Variants in UGT1A5 observed in about 807,000 individuals in gnomAD.
The protein encoded by UGT1A5 is UDP-glucuronosyltransferase 1A5.
In UGT1A5, 29 loss-of-function variants were observed where a neutral mutation model predicts 40.3. The ratio of observed to expected loss-of-function variants is 0.72; its 90% CI spans 0.54 to 0.98. The LOEUF is 0.98. UGT1A5 is among the 50% of genes least tolerant of loss of function. The probability of loss-of-function intolerance (pLI) is 0.00; values close to 1 mark genes in which losing one functional copy is unlikely to be tolerated. For missense variants in UGT1A5, 678 were observed against 677.9 expected, an observed-to-expected ratio of 1.00 and a Z score of 0.00; for synonymous variants, 257 against 262.5, an observed-to-expected ratio of 0.98 and a Z score of 0.20.
chr2:233,725,481 C>T (rs1370890816), intron 1 of UGT1A5, among the ~76,000 whole-genome samples: 11 of 151,704 alleles, frequency 7.3e-5, no homozygotes, highest in Non-Finnish European at 1.5e-4. Context: ...TGTTAGAAAC[C>T]AGCAAAAAGA....
chr2:233,752,178 G>A (rs941619397), intron 1 of UGT1A5, among the ~76,000 whole-genome samples: 2 of 152,178 alleles, frequency 1.3e-5, no homozygotes, highest in African/African-American at 4.8e-5. Flanking sequence ...GATGTAAGCT[G>A]AATTAAAATC....
rs1457115854 is a variant in UGT1A5, at chr2:233,724,955, G to A, written c.867+11097G>A. The stretch of plus-strand genomic sequence containing the variant: ...ACTCCGTCTGCAATCCCGGCACCTC[G>A]GGAGGCCGAGGTTGGCGGATCACTC... On this transcript the variant is annotated intron_variant, in intron 1 of 4. Coordinates refer to ENST00000373414, the MANE Select transcript of UGT1A5 (RefSeq NM_019078.2). Among the ~76,000 whole-genome samples the A allele has an allele frequency of 3.5e-5, 5 of 143,484 alleles. 1 individual carries two copies. The highest frequency in any genetic ancestry group is 2.1e-4 in the East Asian group (1 of 4,762). The allele number at this position is 143,484 out of a possible 152,430, so 94.1% of individuals were successfully genotyped here.
chr2:233,724,658 G>C lies in UGT1A5; in HGVS notation c.867+10800G>C, dbSNP rs1029278749. 3.5e-5 allele frequency among the ~76,000 whole-genome samples: 5 copies of C among 142,980 alleles called. 1 individual carries two copies. Among genetic ancestry groups the C allele is most frequent in the African/African-American group, 1.3e-4 (5 of 37,636 alleles). 93.8% of individuals were successfully genotyped at this position (142,980 alleles called of 152,430 possible). On this transcript the variant is annotated intron_variant, in intron 1 of 4. Coordinates refer to ENST00000373414, the MANE Select transcript of UGT1A5 (RefSeq NM_019078.2). ...GATGTGATGGCGGCTGGGAAGAGGC[G>C]CTCCTCACTTCCTAGATGGGATGGC...
At chr2:233,739,943 C>A (rs1413730564) in intron 1 of UGT1A5, among the ~76,000 whole-genome samples, 1 of 151,878 alleles carries the variant, frequency 6.6e-6, no homozygotes, top group African/African-American at 2.4e-5. Context: ...AAGGTTGGTA[C>A]CTGGTGGGAG....
chr2:233,758,800 G>A (rs970637590), intron 1 of UGT1A5, among the ~76,000 whole-genome samples: 4 of 152,152 alleles, frequency 2.6e-5, no homozygotes, highest in African/African-American at 9.7e-5. Flanking sequence ...TCTTGGAATT[G>A]TATAGTACAG....
intron 4 of UGT1A5, 90 bp downstream of exon 4, chr2:233,768,529 G>A (rs1019700183): frequency 2.7e-6 from 4 of 1,508,186 alleles, no homozygotes; most frequent in Non-Finnish European, 3.5e-6. Flanking sequence ...GCATTTAATA[G>A]CGTTGTTTCA....
chr2:233,769,848 A>C lies in UGT1A5; in HGVS notation c.1307+1409A>C. ...CCAGCAACCTGGGCAACAGAGTGAG[A>C]CCCTGTCTCAAAAAAAAAAAAAAAA... is the stretch of plus-strand genomic sequence containing the variant. On this transcript the variant is annotated intron_variant, in intron 4 of 4. Transcript: ENST00000373414. The surrounding 1 kb of genome is among the most constrained non-coding windows in gnomAD (Gnocchi z 4.4). The C allele has an allele frequency of 1.9e-5, 9 of 472,234 alleles. No homozygotes were observed. Among genetic ancestry groups the C allele is most frequent in the South Asian group, 5.6e-5 (1 of 17,844 alleles). The allele number at this position is 472,234 out of a possible 1,614,324, so 29.3% of individuals were successfully genotyped here.
intron 1 of UGT1A5, chr2:233,729,155 C>G (rs754518469): frequency 1.9e-6 from 3 of 1,613,596 alleles, no homozygotes; most frequent in South Asian, 1.1e-5. Context: ...GTTCCCCTGC[C>G]GTGGCTGGCC....
chr2:233,719,299 T>C, intron 1 of UGT1A5: 1 of 1,613,974 alleles, frequency 6.2e-7, no homozygotes, highest in East Asian at 2.2e-5. Flanking sequence ...TGTGGGGCGG[T>C]GCTGGCTAAG....
rs149750520 is a variant in UGT1A5, at chr2:233,767,884, T to C, written c.1035T>C (p.Asn345=). ...GGTACACTGGAACCCGACCATCGAA[T>C]CTTGCGAACAACACGATACTTGTTA... The part of the protein sequence containing the change: ...LWRYTGTRPS[N]LANNTILVKW... The change falls in exon 3 of 5, where the codon AAT becomes AAC. Residue 345 remains asparagine (N), a synonymous_variant. Coordinates refer to ENST00000373414, the MANE Select transcript of UGT1A5 (RefSeq NM_019078.2). The C allele has an allele frequency of 6.2e-7, 1 of 1,614,080 alleles. No homozygotes were observed. Among genetic ancestry groups the C allele is most frequent in the East Asian group, 2.2e-5 (1 of 44,900 alleles).
intron 1 of UGT1A5, among the ~76,000 whole-genome samples, chr2:233,759,283 A>C (rs562983605): frequency 1.3e-5 from 2 of 152,282 alleles, no homozygotes; most frequent in East Asian, 3.9e-4. Flanking sequence ...TGATTGGTTG[A>C]TGAAGCTGAG....
rs1699345789 is a variant in UGT1A5 at position 233,767,247 on chromosome 2, C to T, written c.999+82C>T. 3.2e-5 allele frequency: 52 copies of T among 1,603,298 alleles called. No individual in the cohort carries two copies. In the South Asian group the frequency reaches 5.5e-4, roughly 17 times the overall value. ...GACTTCCAGCTTCCAGATTAATTCTCTTAATTGGAACCTTAGATTTGGCTT... is the reference window on the plus strand; with the variant it reads ...GACTTCCAGCTTCCAGATTAATTCTTTTAATTGGAACCTTAGATTTGGCTT... On this transcript the variant is annotated intron_variant, in intron 2 of 4. Coordinates refer to ENST00000373414, the MANE Select transcript of UGT1A5 (RefSeq NM_019078.2).
rs762309245 is a variant in UGT1A5 at position 233,767,917 on chromosome 2, A to G, written c.1068A>G (p.Leu356=). The stretch of plus-strand genomic sequence containing the variant: ...ACAACACGATACTTGTTAAGTGGCT[A>G]CCCCAAAACGATCTGCTTGGTATGT... ...LANNTILVKW[L]PQNDLLGHPM... The change falls in exon 3 of 5, where the codon CTA becomes CTG. Residue 356 remains leucine, a synonymous_variant. Coordinates refer to ENST00000373414, the MANE Select transcript of UGT1A5 (RefSeq NM_019078.2). 2 of 1,614,072 alleles carry G rather than the reference A, an allele frequency of 1.2e-6. No homozygotes were observed. The highest frequency in any genetic ancestry group is 2.2e-5 in the East Asian group (1 of 44,896).
intron 1 of UGT1A5, among the ~76,000 whole-genome samples, chr2:233,718,481 T>C (rs1310649637): frequency 1.3e-5 from 2 of 152,114 alleles, no homozygotes; most frequent in Non-Finnish European, 2.9e-5. Context: ...CTGATAAATA[T>C]GGTTAACAGA....
rs969396704 is a variant in UGT1A5 at position 233,741,897 on chromosome 2, C to A, written c.868-25137C>A. On this transcript the variant is annotated intron_variant, in intron 1 of 4. Coordinates refer to ENST00000373414, the MANE Select transcript of UGT1A5 (RefSeq NM_019078.2). ...AGAGGTGACCCTAGAAGAAGGGACC[C>A]TTTGTGATGGAAAAGGTCTTCATTT... 18 of 151,852 alleles carry A rather than the reference C, an allele frequency of 1.2e-4. 1 individual carries two copies. Among genetic ancestry groups the A allele is most frequent in the African/African-American group, 4.1e-4 (17 of 41,132 alleles). The allele number at this position is 151,852 out of a possible 1,614,324, so 9.4% of individuals were successfully genotyped here. A position where few individuals can be genotyped will look rare whatever the true frequency, so the allele number is the denominator to read the frequency against.
rs531889004 is a variant in UGT1A5 at position 233,731,047 on chromosome 2, T to C, written c.867+17189T>C. Among the ~76,000 whole-genome samples, 5 of 152,366 alleles carry C rather than the reference T, an allele frequency of 3.3e-5. No homozygotes were observed. In the East Asian group the frequency reaches 5.8e-4, roughly 18 times the overall value. On this transcript the variant is annotated intron_variant, in intron 1 of 4. Transcript: ENST00000373414. ...GCCTTTTTATGTCATATTCACCGAA[T>C]GTGTATGAACTTCCATGATTTAGAT...
chr2:233,766,578 G>C (rs1048038001), intron 1 of UGT1A5, among the ~76,000 whole-genome samples: 1 of 152,134 alleles, frequency 6.6e-6, no homozygotes, highest in Non-Finnish European at 1.5e-5. Flanking sequence ...ACAGGTCTGG[G>C]GGTGGAGCCC....
At chr2:233,717,518 T>A (rs2076583469) in intron 1 of UGT1A5, among the ~76,000 whole-genome samples, 1 of 152,220 alleles carries the variant, frequency 6.6e-6, no homozygotes, top group Non-Finnish European at 1.5e-5. Context: ...TGGGAGTAAC[T>A]TCCTCCATAA....
chr2:233,743,667 C>G (rs201017854), intron 1 of UGT1A5: 4 of 1,367,108 alleles, frequency 2.9e-6, no homozygotes, highest in African/African-American at 1.5e-5. Context: ...AAGGGGTCCT[C>G]GAAGGGCCTG....
Sources: allele counts gnomAD v4.1 joint callset (sites outside exome capture counted in the v4.1 genomes callset), GRCh38; gene constraint gnomAD v4.1.1; non-coding constraint Gnocchi (gnomAD v3.1); transcripts MANE v1.5; gene names NCBI Gene and HGNC (gene_info 2026-07-23, HGNC 2026-07-21).